TMEM161B: variants seen among roughly 807,000 people sequenced by gnomAD.
TMEM161B encodes transmembrane protein 161B.
TMEM161B carries 34 observed loss-of-function variants against 61.8 expected under a neutral mutation model. The ratio of observed to expected loss-of-function variants is 0.55; its 90% CI spans 0.42 to 0.73. The LOEUF (loss-of-function observed/expected upper bound fraction) is 0.73, where lower values mean the gene tolerates loss of function less well. Among genes scored for constraint, TMEM161B ranks in the 30% least tolerant of loss-of-function variants. The pLI, the probability that TMEM161B is intolerant of heterozygous loss-of-function variation, is 0.00. For synonymous variants in TMEM161B, 167 were observed against 192.8 expected, an observed-to-expected ratio of 0.87 and a Z score of 1.11; for missense variants, 456 against 558.5, an observed-to-expected ratio of 0.82 and a Z score of 1.85.
chr5:88,201,377 T>G (rs1176655230), intron 9 of TMEM161B: 1 of 152,070 alleles, frequency 6.6e-6, no homozygotes, highest in African/African-American at 2.4e-5. Flanking sequence ...AACTACCAAG[T>G]GTTTTATGTA....
intron 6 of TMEM161B, 21 bp from the exon 7 acceptor site, chr5:88,206,520 A>ACAAC: frequency 1.9e-6 from 3 of 1,551,106 alleles, no homozygotes; most frequent in South Asian, 2.5e-5. Context: ...AAAAAAAAAA[A>ACAAC]ACAACAGATT....
At chr5:88,256,263 G>A (rs570776400) in intron 1 of TMEM161B, among the ~76,000 whole-genome samples, 2 of 152,228 alleles carry the variant, frequency 1.3e-5, no homozygotes, top group South Asian at 2.1e-4. Context: ...TTAAAGTGTT[G>A]ACAAGGAACA....
chr5:88,237,672 A>T (rs1284468508), intron 2 of TMEM161B, among the ~76,000 whole-genome samples: 1 of 152,128 alleles, frequency 6.6e-6, no homozygotes, highest in East Asian at 1.9e-4. Context: ...ATAAAATTTT[A>T]AACAATTATA....
chr5:88,221,930 C>G (rs996128512), intron 4 of TMEM161B, among the ~76,000 whole-genome samples: 25 of 152,180 alleles, frequency 1.6e-4, no homozygotes, highest in Non-Finnish European at 3.2e-4. Context: ...ATATCACATA[C>G]AGTAAGACCT....
intron 1 of TMEM161B, among the ~76,000 whole-genome samples, chr5:88,248,367 C>A (rs972581611): frequency 6.6e-6 from 1 of 151,996 alleles, no homozygotes; most frequent in African/African-American, 2.4e-5. Flanking sequence ...ATATCCCCTA[C>A]GTAACTGCCA....
chr5:88,237,532 T>C (rs1752053671), intron 2 of TMEM161B, among the ~76,000 whole-genome samples: 1 of 152,068 alleles, frequency 6.6e-6, no homozygotes, highest in Non-Finnish European at 1.5e-5. Context: ...CTGCTTCCTG[T>C]CTGAAGAAAC....
At chr5:88,225,702 G>A (rs529134467) in intron 4 of TMEM161B, 67 bp downstream of exon 4, 1 of 1,015,756 alleles carries the variant, frequency 9.8e-7, no homozygotes, top group East Asian at 2.5e-5. Flanking sequence ...TGATTAAAAT[G>A]AAAGTACTTT....
chr5:88,258,214 G>T (rs1359646071), intron 1 of TMEM161B, among the ~76,000 whole-genome samples: 1 of 152,142 alleles, frequency 6.6e-6, no homozygotes, highest in Non-Finnish European at 1.5e-5. Context: ...TGTCCCTATT[G>T]ACTAGAAAAC....
downstream of TMEM161B, chr5:88,190,379 G>A (rs1748680305): frequency 7.7e-6 from 5 of 648,166 alleles, no homozygotes; most frequent in Non-Finnish European, 8.4e-6. Flanking sequence ...GTGGTTTCAT[G>A]CACAGCCAGT....
At chr5:88,212,038 C>A (rs751318633) in intron 5 of TMEM161B, among the ~76,000 whole-genome samples, 4 of 152,022 alleles carry the variant, frequency 2.6e-5, no homozygotes, top group Non-Finnish European at 5.9e-5. Flanking sequence ...CAAGAGACAA[C>A]TGTAAAAGTT....
chr5:88,191,106 C>G (rs1222802884), downstream of TMEM161B, among the ~76,000 whole-genome samples: 2 of 152,204 alleles, frequency 1.3e-5, no homozygotes, highest in African/African-American at 4.8e-5. Flanking sequence ...TCCATGTCTT[C>G]ATCTATGATT....
Position 88,196,247 on chromosome 5 carries a change from A to C in TMEM161B, c.1428T>G (p.Phe476Leu), listed in dbSNP as rs1171678004. The C allele has an allele frequency of 6.2e-7, 1 of 1,612,476 alleles. No homozygotes were observed. The highest frequency in any genetic ancestry group is 8.5e-7 in the Non-Finnish European group (1 of 1,179,204). ...TCAGATACTGGTGATAGAAAAGCCC[A>C]AAAAGGCTTGTAGAAAAGAGGCAAG... ...IAACLFSTSL[F>L]GLFYHQYLTV... The change falls in exon 12 of 12, where the codon TTT (phenylalanine) becomes TTG (leucine). Residue 476 changes from phenylalanine to leucine, a missense_variant. This residue lies in a region of TMEM161B where 367 missense variants were observed against 427.3 expected (regional missense o/e 0.86). Coordinates refer to ENST00000296595, the MANE Select transcript of TMEM161B (RefSeq NM_153354.5).
rs1745375423 is a variant in TMEM161B at position 88,205,943 on chromosome 5, G to C, written c.671C>G (p.Ser224Ter). The C allele has an allele frequency of 1.2e-6, 2 of 1,600,430 alleles. No individual in the cohort carries two copies. Among genetic ancestry groups the C allele is most frequent in the Non-Finnish European group, 1.7e-6 (2 of 1,174,426 alleles). ...CAGGAAAAATTTGAAAGTAAGTTTT[G>C]AAACAGGACTCCTAAAAATAAAATT... ...KQGLESQSPV[S>*]KLTFKFFLAI... The change falls in exon 8 of 12, where the codon TCA (serine) becomes TGA (stop). Residue 224 changes from serine (S) to a stop codon, truncating the protein, a stop_gained. Coordinates refer to ENST00000296595, the MANE Select transcript of TMEM161B (RefSeq NM_153354.5). LOFTEE classifies it high-confidence loss of function.
intron 1 of TMEM161B, among the ~76,000 whole-genome samples, chr5:88,259,814 T>G (rs148445480): frequency 6.6e-6 from 1 of 152,350 alleles, no homozygotes; most frequent in African/African-American, 2.4e-5. Flanking sequence ...CGTTACTAAT[T>G]ATGATTTCTA....
rs567590497 is a variant in TMEM161B at position 88,197,811 on chromosome 5, A to G, written c.1090-46T>C. The G allele has an allele frequency of 2.3e-5, 35 of 1,505,302 alleles. No individual in the cohort carries two copies. The African/African-American group carries it at 4.9e-4, about 21-fold the overall frequency. 93.2% of individuals were successfully genotyped at this position (1,505,302 alleles called of 1,614,324 possible). ...AAGTGTCTAATGCAACTGACATGTT[A>G]GGAGTGAATTAAACTTTCATATAAT... is the stretch of plus-strand genomic sequence containing the variant. On this transcript the variant is annotated intron_variant, in intron 10 of 11. Coordinates refer to ENST00000296595, the MANE Select transcript of TMEM161B (RefSeq NM_153354.5).
At chr5:88,266,641 A>T (rs1756415602) in intron 1 of TMEM161B, among the ~76,000 whole-genome samples, 1 of 152,184 alleles carries the variant, frequency 6.6e-6, no homozygotes, top group African/African-American at 2.4e-5. Flanking sequence ...GGTCAATACT[A>T]ATGTTCTTTT....
chr5:88,200,645 T>C (rs1744210997), intron 9 of TMEM161B: 1 of 152,130 alleles, frequency 6.6e-6, no homozygotes, highest in Non-Finnish European at 1.5e-5. Context: ...CATACCATCA[T>C]AAATATCTGA....
At chr5:88,211,512 C>A (rs1345179582) in intron 5 of TMEM161B, among the ~76,000 whole-genome samples, 2 of 151,938 alleles carry the variant, frequency 1.3e-5, no homozygotes, top group African/African-American at 4.8e-5. Flanking sequence ...GTAATCCCAG[C>A]ACTTTGGGAG....
At chr5:88,258,341 C>A (rs1755259804) in intron 1 of TMEM161B, among the ~76,000 whole-genome samples, 1 of 152,142 alleles carries the variant, frequency 6.6e-6, no homozygotes, top group African/African-American at 2.4e-5. Flanking sequence ...ACCCAAACAA[C>A]TAAACTGTCT....
Sources: gnomAD v4.1 joint callset for allele counts (sites outside exome capture counted in the v4.1 genomes callset) on GRCh38, gnomAD v4.1.1 for gene constraint, gnomAD v4.1.1 regional missense constraint, MANE v1.5 for transcripts, NCBI Gene and HGNC (gene_info 2026-07-23, HGNC 2026-07-21) for gene names.